GALNT2: variants seen among roughly 807,000 people sequenced by gnomAD.
The protein encoded by GALNT2 is UDP-GalNAc:polypeptide N-acetylgalactosaminyltransferase 2.
A neutral mutation model predicts 81.4 loss-of-function variants in GALNT2; 31 were observed. The ratio of observed to expected loss-of-function variants is 0.38; its 90% CI spans 0.29 to 0.51. GALNT2 has a LOEUF of 0.51. GALNT2 is among the 20% of genes least tolerant of loss of function. The pLI, the probability that GALNT2 is intolerant of heterozygous loss-of-function variation, is 0.87. For synonymous variants in GALNT2, 303 were observed against 287.4 expected, an observed-to-expected ratio of 1.05 and a Z score of -0.55; for missense variants, 629 against 765.7, an observed-to-expected ratio of 0.82 and a Z score of 2.11.
rs538443587 is a variant in GALNT2 at position 230,272,760 on chromosome 1, T to TGGTTC, written c.1441-1674_1441-1670dup. On this transcript the variant is annotated intron_variant, in intron 14 of 15. Transcript: ENST00000366672. ...CTTTAGGGTTTGGTTTGGTTTGGTT[T>TGGTTC]GGTTCGGTTCGGTTCAGTTCGGTTT... Among the ~76,000 whole-genome samples the TGGTTC allele has an allele frequency of 9.6e-4, 146 of 152,198 alleles. 1 individual carries two copies. Among genetic ancestry groups the TGGTTC allele is most frequent in the Non-Finnish European group, 1.8e-3 (120 of 67,996 alleles).
intron 1 of GALNT2, among the ~76,000 whole-genome samples, chr1:230,141,613 C>A (rs1390253706): frequency 1.3e-5 from 2 of 152,036 alleles, no homozygotes; most frequent in African/African-American, 4.8e-5. Flanking sequence ...TTGTAGCGCG[C>A]GTCAGAGTTT....
At chr1:230,209,343 C>A (rs1200856934) in intron 3 of GALNT2, among the ~76,000 whole-genome samples, 2 of 152,146 alleles carry the variant, frequency 1.3e-5, no homozygotes, top group African/African-American at 4.8e-5. Context: ...TAGAGGAGGT[C>A]CTAAAGGGTG....
At chr1:230,180,469 A>G (rs555280919) in intron 2 of GALNT2, among the ~76,000 whole-genome samples, 203 of 151,406 alleles carry the variant, frequency 1.3e-3, no homozygotes, top group African/African-American at 4.4e-3. Flanking sequence ...CCATTGGTCT[A>G]TTTTTCTGTT....
chr1:230,206,169 T>G (rs1664051764), intron 3 of GALNT2, among the ~76,000 whole-genome samples: 1 of 152,190 alleles, frequency 6.6e-6, no homozygotes, highest in Admixed American at 6.5e-5. Flanking sequence ...CCCTGTGAGC[T>G]GAGAGAAGAA....
At chr1:230,188,979 G>T (rs541564356) in intron 2 of GALNT2, among the ~76,000 whole-genome samples, 9 of 152,154 alleles carry the variant, frequency 5.9e-5, no homozygotes, top group African/African-American at 1.9e-4. Flanking sequence ...AGGAGCGGGG[G>T]CCGGAAGAGG....
At chr1:230,069,462 C>T (rs1485687683) in intron 1 of GALNT2, among the ~76,000 whole-genome samples, 2 of 152,020 alleles carry the variant, frequency 1.3e-5, no homozygotes, top group Non-Finnish European at 2.9e-5. Flanking sequence ...AGTGATTTGT[C>T]GGTTGAGGAA....
At chr1:230,177,220 G>A (rs1380506974) in intron 1 of GALNT2, among the ~76,000 whole-genome samples, 2 of 152,260 alleles carry the variant, frequency 1.3e-5, no homozygotes, top group African/African-American at 4.8e-5. Flanking sequence ...GAACCAAAAC[G>A]TCTCCAGTGG....
intron 14 of GALNT2, among the ~76,000 whole-genome samples, chr1:230,269,923 C>T (rs1232347719): frequency 2.0e-5 from 3 of 151,914 alleles, no homozygotes; most frequent in African/African-American, 4.8e-5. Context: ...AAATTAGGGC[C>T]GGGCACGGTG....
intron 1 of GALNT2, among the ~76,000 whole-genome samples, chr1:230,152,384 A>G (rs1359756549): frequency 6.6e-6 from 1 of 152,242 alleles, no homozygotes; most frequent in Non-Finnish European, 1.5e-5. Context: ...AGGTTTTTCA[A>G]ATTGTAAGTT....
intron 1 of GALNT2, among the ~76,000 whole-genome samples, chr1:230,115,049 A>G (rs1660805963): frequency 1.4e-5 from 2 of 140,572 alleles, no homozygotes; most frequent in Non-Finnish European, 1.5e-5. Context: ...TCTGTCACCC[A>G]GGCTGGAGTG....
rs997545515 is a variant in GALNT2 at position 230,275,372 on chromosome 1, TA to T, written c.1560+811del. Among the ~76,000 whole-genome samples the T allele has an allele frequency of 6.0e-5, 9 of 149,708 alleles. No individual in the cohort carries two copies. Among genetic ancestry groups the T allele is most frequent in the African/African-American group, 2.2e-4 (9 of 40,676 alleles). ...TATATACATGCCACATATACATCTA[TA>T]AACACCACATGTATACACGCCACAT... On this transcript the variant is annotated intron_variant, in intron 15 of 15. Transcript: ENST00000366672. This position sits in a 1 kb window ranked among gnomAD's most constrained non-coding sequence, Gnocchi z 5.5.
intron 1 of GALNT2, among the ~76,000 whole-genome samples, chr1:230,091,394 G>T (rs952403682): frequency 6.6e-6 from 1 of 151,874 alleles, no homozygotes; most frequent in African/African-American, 2.4e-5. Context: ...CTTTTCTATC[G>T]GCCTATTTCT....
chr1:230,090,204 G>A (rs1033587445), intron 1 of GALNT2, among the ~76,000 whole-genome samples: 2 of 152,198 alleles, frequency 1.3e-5, no homozygotes, highest in Non-Finnish European at 2.9e-5. Context: ...AATTTCCAAG[G>A]AAAAATAATC....
intron 1 of GALNT2, among the ~76,000 whole-genome samples, chr1:230,121,976 A>C (rs1228013022): frequency 7.9e-6 from 1 of 126,264 alleles, no homozygotes; most frequent in African/African-American, 3.0e-5. Flanking sequence ...TTCAAGGGAC[A>C]GGGTCTTACT....
chr1:230,107,592 C>A (rs925282776), intron 1 of GALNT2, among the ~76,000 whole-genome samples: 2 of 134,590 alleles, frequency 1.5e-5, no homozygotes, highest in African/African-American at 5.4e-5. Flanking sequence ...AAAAAATTCT[C>A]ATTTCTTCTC....
intron 3 of GALNT2, among the ~76,000 whole-genome samples, chr1:230,215,551 GT>G (rs1159543847): frequency 3.9e-5 from 6 of 152,190 alleles, no homozygotes; most frequent in African/African-American, 1.2e-4. Context: ...ACACCTGAGT[GT>G]TTTATTTGGA....
intron 1 of GALNT2, among the ~76,000 whole-genome samples, chr1:230,140,167 G>C (rs1453483869): frequency 6.6e-6 from 1 of 152,212 alleles, no homozygotes; most frequent in Non-Finnish European, 1.5e-5. Context: ...CTTTTTAATG[G>C]CCAGCTCACC....
intron 3 of GALNT2, among the ~76,000 whole-genome samples, chr1:230,217,310 G>T (rs1171627820): frequency 6.6e-6 from 1 of 152,218 alleles, no homozygotes; most frequent in African/African-American, 2.4e-5. Context: ...CCTGAGGGAA[G>T]GGACGAGGGA....
intron 3 of GALNT2, among the ~76,000 whole-genome samples, chr1:230,218,979 G>A (rs1664469329): frequency 1.3e-5 from 2 of 152,246 alleles, no homozygotes; most frequent in African/African-American, 4.8e-5. Flanking sequence ...ACATGCAAGG[G>A]ATCTGGGTTG....
Sources: gnomAD v4.1 joint callset for allele counts (sites outside exome capture counted in the v4.1 genomes callset) on GRCh38, gnomAD v4.1.1 for gene constraint, Gnocchi (gnomAD v3.1) non-coding constraint, MANE v1.5 for transcripts, NCBI Gene and HGNC (gene_info 2026-07-23, HGNC 2026-07-21) for gene names.